The following NAALADL2 variants were observed in gnomAD, a reference collection of about 807,000 sequenced individuals.
The protein encoded by NAALADL2 is N-acetylated alpha-linked acidic dipeptidase like 2.
A neutral mutation model predicts 87.2 loss-of-function variants in NAALADL2; 76 were observed. That is an observed-to-expected ratio of 0.87 (90% CI 0.72 to 1.05). The LOEUF (loss-of-function observed/expected upper bound fraction) is 1.05, where lower values mean the gene tolerates loss of function less well. Ranked by LOEUF, NAALADL2 falls within the 50% of genes least tolerant of loss-of-function variation. The pLI, the probability that NAALADL2 is intolerant of heterozygous loss-of-function variation, is 0.00. For missense variants in NAALADL2, 1,089 were observed against 945.8 expected (o/e 1.15, Z -1.99); for synonymous variants, 354 against 331.0 (o/e 1.07, Z -0.75).
At chr3:174,673,586 C>A (rs1726769798) in intron 2 of NAALADL2, among the ~76,000 whole-genome samples, 1 of 144,070 alleles carries the variant, frequency 6.9e-6, no homozygotes, top group East Asian at 2.1e-4. Flanking sequence ...CATGTAAGAA[C>A]TAAAAGCGGA....
intron 1 of NAALADL2, among the ~76,000 whole-genome samples, chr3:174,465,956 C>T (rs937411197): frequency 2.0e-5 from 3 of 152,278 alleles, no homozygotes; most frequent in Non-Finnish European, 2.9e-5. Flanking sequence ...CCAACAGTTA[C>T]ACTGGCTTAA....
intron 5 of NAALADL2, among the ~76,000 whole-genome samples, chr3:175,395,383 C>T (rs1257634553): frequency 2.6e-5 from 4 of 152,174 alleles, no homozygotes; most frequent in Non-Finnish European, 5.9e-5. Context: ...GGGGAGCCCA[C>T]TGTTATTCAT....
chr3:175,585,921 G>A (rs1229570908), intron 10 of NAALADL2, among the ~76,000 whole-genome samples: 1 of 152,078 alleles, frequency 6.6e-6, no homozygotes, highest in East Asian at 1.9e-4. Context: ...CCATGACAAT[G>A]CCACATTTCT....
intron 13 of NAALADL2, among the ~76,000 whole-genome samples, chr3:175,757,376 TG>T (rs888986944): frequency 1.3e-5 from 2 of 152,098 alleles, no homozygotes; most frequent in African/African-American, 4.8e-5. Flanking sequence ...TTGGACCACG[TG>T]AGGTTTAAGG....
chr3:174,745,129 AAAC>A (rs1353784861), intron 3 of NAALADL2, among the ~76,000 whole-genome samples: 1 of 152,188 alleles, frequency 6.6e-6, no homozygotes, highest in Non-Finnish European at 1.5e-5. Context: ...GAGACACAAA[AAAC>A]CCTTCAAAAA....
chr3:175,567,777 A>G (rs937413172), intron 9 of NAALADL2, among the ~76,000 whole-genome samples: 1 of 149,048 alleles, frequency 6.7e-6, no homozygotes, highest in Non-Finnish European at 1.5e-5. Context: ...GTGCAGTGGC[A>G]CTATCTCGGC....
chr3:175,084,898 C>T (rs1320357408), intron 1 of NAALADL2, among the ~76,000 whole-genome samples: 1 of 152,130 alleles, frequency 6.6e-6, no homozygotes, highest in Non-Finnish European at 1.5e-5. Flanking sequence ...GAACTACTAG[C>T]AGTACGTGAG....
intron 1 of NAALADL2, among the ~76,000 whole-genome samples, chr3:174,926,600 A>T (rs1736076143): frequency 6.6e-6 from 1 of 152,124 alleles, no homozygotes. Context: ...ATATCCAGCC[A>T]AACTAAGCTT....
At chr3:175,508,238 C>T (rs985912530) in intron 9 of NAALADL2, among the ~76,000 whole-genome samples, 2 of 152,174 alleles carry the variant, frequency 1.3e-5, no homozygotes, top group African/African-American at 4.8e-5. Context: ...TCAGGCCCAA[C>T]CTCCAACAGT....
intron 5 of NAALADL2, among the ~76,000 whole-genome samples, chr3:175,330,442 TA>T (rs10711292): frequency 0.42 from 61,985 of 147,524 alleles, 13,787 homozygotes; most frequent in African/African-American, 0.61. Context: ...GACTCTGTCT[TA>T]AAAAAAAAAA....
chr3:174,497,879 A>G (rs921033124), intron 1 of NAALADL2, among the ~76,000 whole-genome samples: 1 of 152,176 alleles, frequency 6.6e-6, no homozygotes, highest in Non-Finnish European at 1.5e-5. Context: ...ACTGAAAGAT[A>G]TACCTGATAA....
intron 2 of NAALADL2, among the ~76,000 whole-genome samples, chr3:175,116,385 T>A (rs1201641908): frequency 1.3e-5 from 2 of 152,010 alleles, no homozygotes; most frequent in African/African-American, 2.4e-5. Flanking sequence ...TTCAGCAAAG[T>A]CTCAGGATAC....
intron 1 of NAALADL2, among the ~76,000 whole-genome samples, chr3:174,898,322 G>T (rs1285748669): frequency 6.6e-6 from 1 of 151,412 alleles, no homozygotes; most frequent in Admixed American, 6.6e-5. Flanking sequence ...GGTTACCAGA[G>T]ATTGGGAAGG....
chr3:175,021,329 A>G (rs1431061684), intron 1 of NAALADL2, among the ~76,000 whole-genome samples: 15 of 152,082 alleles, frequency 9.9e-5, no homozygotes, highest in Non-Finnish European at 2.2e-4. Flanking sequence ...GTATAGTACT[A>G]TACAAAGTAT....
At chr3:175,184,221 A>T (rs1580830890) in intron 2 of NAALADL2, among the ~76,000 whole-genome samples, 1 of 152,220 alleles carries the variant, frequency 6.6e-6, no homozygotes, top group East Asian at 1.9e-4. Context: ...AGTTTGCATG[A>T]GAATTACTTT....
intron 1 of NAALADL2, among the ~76,000 whole-genome samples, chr3:175,014,910 C>T (rs932048460): frequency 6.6e-6 from 1 of 151,962 alleles, no homozygotes; most frequent in African/African-American, 2.4e-5. Context: ...CGTAAGGGGA[C>T]TGGATCTCTT....
chr3:175,242,034 G>C (rs1479653728), intron 3 of NAALADL2, among the ~76,000 whole-genome samples: 2 of 151,116 alleles, frequency 1.3e-5, no homozygotes, highest in South Asian at 2.1e-4. Context: ...GCAAATTTTT[G>C]TATTTTTAGT....
chr3:174,898,623 T>TCAGG (rs1731915622), intron 1 of NAALADL2, among the ~76,000 whole-genome samples: 1 of 151,998 alleles, frequency 6.6e-6, no homozygotes, highest in Non-Finnish European at 1.5e-5. Context: ...CTGCATAAAT[T>TCAGG]TATACATCTA....
chr3:175,643,881 T>A (rs1420104844), intron 11 of NAALADL2, among the ~76,000 whole-genome samples: 2 of 152,130 alleles, frequency 1.3e-5, no homozygotes, highest in Non-Finnish European at 2.9e-5. Context: ...ATAAGCTAAG[T>A]GGATGCTTAT....
Sources: gnomAD v4.1 joint callset for allele counts (sites outside exome capture counted in the v4.1 genomes callset) on GRCh38, gnomAD v4.1.1 for gene constraint, MANE v1.5 for transcripts, NCBI Gene and HGNC (gene_info 2026-07-23, HGNC 2026-07-21) for gene names.